Variants in ADGRV1 observed in about 807,000 individuals in gnomAD.
The protein encoded by ADGRV1 is adhesion G protein-coupled receptor V1.
Under a neutral mutation model 596.2 loss-of-function variants are expected in ADGRV1, and 359 were observed. The ratio of observed to expected loss-of-function variants is 0.60; its 90% CI spans 0.55 to 0.66. The LOEUF (loss-of-function observed/expected upper bound fraction) is 0.66. ADGRV1 is among the 30% of genes least tolerant of loss of function. The pLI, the probability that ADGRV1 is intolerant of heterozygous loss-of-function variation, is 0.00. For missense variants in ADGRV1, 7,274 were observed against 7,575.6 expected (o/e 0.96, Z 1.48); for synonymous variants, 2,681 against 2,679.2 (o/e 1.00, Z -0.02).
At position 90,839,014 on chromosome 5, in the gene ADGRV1, C is replaced by T. The variant is rs529887663; in HGVS notation, c.16612-1564C>T. On this transcript the variant is annotated intron_variant, in intron 77 of 89. Transcript: ENST00000405460. ...ATTCTACCACTGTTTCTTGCATGAA[C>T]GAATGCAAAAACCTCCATGCTCATT... Among the ~76,000 whole-genome samples, 6 of 152,178 alleles carry T rather than the reference C, an allele frequency of 3.9e-5. No individual in the cohort carries two copies. In the South Asian group the frequency reaches 1.0e-3, roughly 26 times the overall value.
At chr5:90,896,518 AC>A (rs539529216) in intron 83 of ADGRV1, among the ~76,000 whole-genome samples, 186 of 151,058 alleles carry the variant, frequency 1.2e-3, no homozygotes, top group African/African-American at 4.3e-3. Context: ...CAAGGGATTG[AC>A]CCCCCTCAGC....
At chr5:91,070,678 T>G (rs1459232189) in intron 85 of ADGRV1, among the ~76,000 whole-genome samples, 1 of 152,202 alleles carries the variant, frequency 6.6e-6, no homozygotes, top group East Asian at 1.9e-4. Context: ...TCTAGTTATA[T>G]CTCTAAAACC....
At chr5:91,144,919 T>C (rs1315231418) in intron 87 of ADGRV1, among the ~76,000 whole-genome samples, 2 of 152,254 alleles carry the variant, frequency 1.3e-5, no homozygotes, top group Admixed American at 1.3e-4. Flanking sequence ...TTCTCTCTTA[T>C]AATTCTTTCA....
rs186053197 is a variant in ADGRV1, at chr5:90,993,703, A to G, written c.18152+8181A>G. Among the ~76,000 whole-genome samples, 425 of 151,904 alleles carry G rather than the reference A, an allele frequency of 2.8e-3. 4 individuals are homozygous for G. Among genetic ancestry groups the G allele is most frequent in the Non-Finnish European group, 2.4e-3 (163 of 67,908 alleles). On this transcript the variant is annotated intron_variant, in intron 85 of 89. Transcript: ENST00000405460. ...AGTATCTCGTTGTCTTTGGCTTTCA[A>G]CAGTTTATATATCTAGGTGTGGGTC...
intron 1 of ADGRV1, among the ~76,000 whole-genome samples, chr5:90,565,370 A>G (rs1005893984): frequency 6.6e-5 from 10 of 152,336 alleles, no homozygotes; most frequent in South Asian, 4.1e-4. Flanking sequence ...CCTGGAAACC[A>G]GTAATCTATT....
At chr5:91,038,692 A>G (rs1785098764) in intron 85 of ADGRV1, among the ~76,000 whole-genome samples, 1 of 152,170 alleles carries the variant, frequency 6.6e-6, no homozygotes, top group Admixed American at 6.5e-5. Flanking sequence ...TATTTCAGTG[A>G]CAGCAAGCAT....
chr5:90,648,079 G>A (rs958803998), intron 17 of ADGRV1, among the ~76,000 whole-genome samples: 2 of 152,112 alleles, frequency 1.3e-5, no homozygotes, highest in Non-Finnish European at 1.5e-5. Flanking sequence ...GCTTCCCTAG[G>A]TATTGCTTAG....
Position 90,784,075 on chromosome 5 carries a change from A to C in ADGRV1, c.13653+18A>C. The C allele has an allele frequency of 6.6e-7, 1 of 1,513,478 alleles. No homozygotes were observed. Among genetic ancestry groups the C allele is most frequent in the Admixed American group, 1.8e-5 (1 of 54,460 alleles). The allele number at this position is 1,513,478 out of a possible 1,614,324, so 93.8% of individuals were successfully genotyped here. On this transcript the variant is annotated intron_variant, in intron 67 of 89. Coordinates refer to ENST00000405460, the MANE Select transcript of ADGRV1 (RefSeq NM_032119.4). ...AGATTCAGGTAGATTTATGTTCCCC[A>C]TGACTTTAAATATAATTTTTGATAG...
At chr5:90,566,130 C>T (rs1268498871) in intron 1 of ADGRV1, among the ~76,000 whole-genome samples, 2 of 151,726 alleles carry the variant, frequency 1.3e-5, no homozygotes, top group Non-Finnish European at 2.9e-5. Flanking sequence ...TTTTTACTTT[C>T]TTGATGGTGT....
intron 85 of ADGRV1, among the ~76,000 whole-genome samples, chr5:90,997,790 C>T (rs1263522888): frequency 1.3e-5 from 2 of 152,126 alleles, no homozygotes; most frequent in Admixed American, 6.6e-5. Flanking sequence ...TACTTACCCT[C>T]TGTGAGCTTG....
intron 83 of ADGRV1, among the ~76,000 whole-genome samples, chr5:90,935,975 C>T (rs1016969154): frequency 4.6e-5 from 7 of 152,038 alleles, no homozygotes; most frequent in African/African-American, 1.2e-4. Context: ...AGCAACATAG[C>T]GACCACCCCA....
At chr5:91,015,665 T>G (rs4391205) in intron 85 of ADGRV1, among the ~76,000 whole-genome samples, 107,403 of 151,838 alleles carry the variant, frequency 0.71, 38,408 homozygotes, top group African/African-American at 0.82. Context: ...AGTCTTTGTT[T>G]GTTTAAAGTC....
intron 23 of ADGRV1, 22 bp from the exon 24 acceptor site, chr5:90,675,221 C>A: frequency 1.2e-6 from 2 of 1,603,038 alleles, no homozygotes; most frequent in Admixed American, 1.7e-5. Context: ...GGACAATGCC[C>A]TGGCCCCTTT....
chr5:90,879,149 A>G (rs1044337946), intron 83 of ADGRV1, among the ~76,000 whole-genome samples: 2 of 152,178 alleles, frequency 1.3e-5, no homozygotes, highest in Non-Finnish European at 2.9e-5. Context: ...CTGAATGAGG[A>G]CTTCAACCTC....
At chr5:91,052,134 C>T (rs1210998856) in intron 85 of ADGRV1, among the ~76,000 whole-genome samples, 1 of 151,862 alleles carries the variant, frequency 6.6e-6, no homozygotes, top group African/African-American at 2.4e-5. Context: ...AATCTAGAGG[C>T]AGTGCTCCAC....
intron 83 of ADGRV1, among the ~76,000 whole-genome samples, chr5:90,898,046 C>T (rs1289173649): frequency 6.6e-6 from 1 of 152,116 alleles, no homozygotes; most frequent in African/African-American, 2.4e-5. Flanking sequence ...TTCTAATGAA[C>T]AAGATTGCTT....
chr5:90,960,147 A>AC (rs201057638), intron 83 of ADGRV1, among the ~76,000 whole-genome samples: 23 of 146,060 alleles, frequency 1.6e-4, no homozygotes, highest in East Asian at 4.3e-4. Context: ...CAAAAAAAAA[A>AC]AAAAAACAAA....
Position 90,635,146 on chromosome 5 carries a change from T to G in ADGRV1, c.1872T>G (p.Pro624=), listed in dbSNP as rs1318551181. The G allele has an allele frequency of 2.5e-6, 4 of 1,606,646 alleles. No individual in the cohort carries two copies. In the African/African-American group the frequency reaches 5.4e-5, roughly 22 times the overall value. ...CTGTGGAGTTGTTAAACATAATTCCTCTAATCCCACCCATAAGCCCTAGAT... is the reference window on the plus strand; with the variant it reads ...CTGTGGAGTTGTTAAACATAATTCCGCTAATCCCACCCATAAGCCCTAGAT... ...LETVELLNII[P]LIPPISPRFG... Residue 624 remains proline (P), a synonymous_variant, in exon 10 of 90, where the codon CCT becomes CCG. Coordinates refer to ENST00000405460, the MANE Select transcript of ADGRV1 (RefSeq NM_032119.4).
At chr5:90,853,996 G>C (rs551124128) in intron 80 of ADGRV1, 66 bp from the exon 81 acceptor site, 1 of 1,192,054 alleles carries the variant, frequency 8.4e-7, no homozygotes, top group African/African-American at 1.5e-5. Flanking sequence ...TCAAGTTCAG[G>C]GTAAGAGACT....
Sources: gnomAD v4.1 joint callset for allele counts (sites outside exome capture counted in the v4.1 genomes callset) on GRCh38, gnomAD v4.1.1 for gene constraint, MANE v1.5 for transcripts, NCBI Gene and HGNC (gene_info 2026-07-23, HGNC 2026-07-21) for gene names.